The following CLBA1 variants were observed in gnomAD, a reference collection of about 807,000 sequenced individuals.
CLBA1 encodes the protein uncharacterized protein CLBA1.
CLBA1 carries 30 observed loss-of-function variants against 28.8 expected under a neutral mutation model. That is an observed-to-expected ratio of 1.04 (90% CI 0.78 to 1.41). The LOEUF (loss-of-function observed/expected upper bound fraction) is 1.41, where lower values mean the gene tolerates loss of function less well. Among genes scored for constraint, CLBA1 ranks in the 40% most tolerant of loss-of-function variants. CLBA1 has a pLI of 0.00. For missense variants in CLBA1, 451 were observed against 412.3 expected (o/e 1.09, Z -0.81); for synonymous variants, 160 against 152.8 (o/e 1.05, Z -0.35).
At chr14:104,989,616 G>A in intron 2 of CLBA1, 1 of 456,162 alleles carries the variant, frequency 2.2e-6, no homozygotes, top group Non-Finnish European at 4.4e-6. Context: ...GTCACTCGCA[G>A]ATGGCCATTT....
At chr14:104,994,024 T>C in intron 4 of CLBA1, 1 of 984,814 alleles carries the variant, frequency 1.0e-6, no homozygotes, top group East Asian at 1.2e-4. Flanking sequence ...GTGGGTTCCC[T>C]GGATGATCAG....
chr14:104,988,360 T>C (rs1193450801), intron 1 of CLBA1, among the ~76,000 whole-genome samples: 2 of 138,736 alleles, frequency 1.4e-5, no homozygotes. Flanking sequence ...TGAGACGGAG[T>C]CTCTCTCTGT....
chr14:104,994,200 T>TG, intron 4 of CLBA1: 1 of 985,316 alleles, frequency 1.0e-6, no homozygotes, highest in Non-Finnish European at 1.2e-6. Flanking sequence ...CAGCAGCCGG[T>TG]GGGGGAGACG....
chr14:105,000,564 G>C (rs989714814), intron 2 of CLBA1, among the ~76,000 whole-genome samples: 2 of 151,858 alleles, frequency 1.3e-5, no homozygotes. Context: ...GAGCCACCGC[G>C]TCCAGCCAAG....
downstream of CLBA1, among the ~76,000 whole-genome samples, chr14:105,000,282 CTT>C (rs1433657309): frequency 6.7e-6 from 1 of 148,990 alleles, no homozygotes; most frequent in Non-Finnish European, 1.5e-5. Context: ...TTTTTTCTTT[CTT>C]TCTTTCTTTT....
Position 104,986,612 on chromosome 14 carries a change from G to A in CLBA1, c.181G>A (p.Gly61Ser). 1 of 1,614,060 alleles carries A rather than the reference G, an allele frequency of 6.2e-7. No individual in the cohort carries two copies. Residue 61 changes from glycine (G) to serine (S), a missense_variant, in exon 1 of 5, where the codon GGT (glycine) becomes AGT (serine). Physicochemically the swap from Gly to Ser is moderately conservative, Grantham distance 56. Transcript: ENST00000547315. ...KASISMPREGGSTCTARCPDP... is the reference protein window; with the variant it reads ...KASISMPREGSSTCTARCPDP... ...CAGCATCTCCATGCCCCGTGAGGGC[G>A]GTTCCACCTGCACTGCCCGATGTCC... is the stretch of plus-strand genomic sequence containing the variant.
Position 104,986,215 on chromosome 14 carries a change from C to T in CLBA1, c.-217C>T, listed in dbSNP as rs1189107621. On this transcript the variant is annotated 5_prime_UTR_variant, in exon 1 of 5. Transcript: ENST00000547315. ...CTGCGTGGGAGGAAGCCAGGACTCCCGGGCGACCGGGCCATTCCTGTGGTT... is the reference window on the plus strand; with the variant it reads ...CTGCGTGGGAGGAAGCCAGGACTCCTGGGCGACCGGGCCATTCCTGTGGTT... 2 of 595,572 alleles carry T rather than the reference C, an allele frequency of 3.4e-6. No individual in the cohort carries two copies. Among genetic ancestry groups the T allele is most frequent in the Non-Finnish European group, 5.9e-6 (2 of 337,020 alleles). The allele number at this position is 595,572 out of a possible 1,614,324, so 36.9% of individuals were successfully genotyped here.
Position 104,986,324 on chromosome 14 carries a change from CCT to C in CLBA1, c.-104_-103del. On this transcript the variant is annotated 5_prime_UTR_variant, in exon 1 of 5. Coordinates refer to ENST00000547315, the MANE Select transcript of CLBA1 (RefSeq NM_174891.4). ...GGGCACTCCTGCAGCGTCCCCTGGCCCTCTCCAGGGCAGGGGAAGGTTGGGCA... is the reference window on the plus strand; with the variant it reads ...GGGCACTCCTGCAGCGTCCCCTGGCCCTCCAGGGCAGGGGAAGGTTGGGCA... The C allele has an allele frequency of 8.2e-7, 1 of 1,222,526 alleles. No homozygotes were observed. The highest frequency in any genetic ancestry group is 1.1e-6 in the Non-Finnish European group (1 of 891,438). 75.7% of individuals were successfully genotyped at this position (1,222,526 alleles called of 1,614,324 possible). A position where few individuals can be genotyped will look rare whatever the true frequency, so the allele number is the denominator to read the frequency against.
chr14:104,987,154 G>A (rs184888271), intron 1 of CLBA1, among the ~76,000 whole-genome samples: 1 of 152,378 alleles, frequency 6.6e-6, no homozygotes, highest in African/African-American at 2.4e-5. Flanking sequence ...CCCCATTGGT[G>A]GGGGCTGCAC....
rs1479933883 is a variant in CLBA1 at position 104,993,077 on chromosome 14, C to T, written c.816+13C>T. On this transcript the variant is annotated intron_variant, in intron 4 of 4. Transcript: ENST00000547315. ...GATCCAGACCAAGGTGAGTGGTCAC[C>T]AAGGAGAGGCCTCAGGGAACCGCGC... is the stretch of plus-strand genomic sequence containing the variant. 1 of 1,609,732 alleles carries T rather than the reference C, an allele frequency of 6.2e-7. No homozygotes were observed. Among genetic ancestry groups the T allele is most frequent in the Non-Finnish European group, 8.5e-7 (1 of 1,177,484 alleles).
chr14:105,000,269 A>C (rs1055546710), downstream of CLBA1, among the ~76,000 whole-genome samples: 2 of 151,732 alleles, frequency 1.3e-5, no homozygotes, highest in African/African-American at 2.4e-5. Flanking sequence ...ACCTGAACAG[A>C]CATTTTTTCT....
At chr14:104,988,771 TG>T (rs1899937751) in intron 1 of CLBA1, among the ~76,000 whole-genome samples, 171 bp from the exon 2 acceptor site, 1 of 152,254 alleles carries the variant, frequency 6.6e-6, no homozygotes, top group South Asian at 2.1e-4. Context: ...TCTGGTTTTG[TG>T]TGATTTTGCT....
At chr14:104,995,723 C>T (rs955427417), downstream of CLBA1, among the ~76,000 whole-genome samples, 2 of 152,222 alleles carry the variant, frequency 1.3e-5, no homozygotes, top group Non-Finnish European at 2.9e-5. Context: ...GAGGAGGAAG[C>T]AGATGTCCCT....
chr14:104,987,352 C>T (rs886920425), intron 1 of CLBA1, among the ~76,000 whole-genome samples: 6 of 152,206 alleles, frequency 3.9e-5, no homozygotes, highest in Admixed American at 2.0e-4. Flanking sequence ...CCGACCTGTC[C>T]GGGAGCCAGG....
At chr14:104,994,446 G>A in intron 4 of CLBA1, 152 bp from the exon 5 acceptor site, 1 of 1,409,316 alleles carries the variant, frequency 7.1e-7, no homozygotes, top group Non-Finnish European at 9.2e-7. Context: ...CGCCTCTCTG[G>A]TGACATCCCA....
At chr14:104,998,286 C>A (rs1900191404), downstream of CLBA1, among the ~76,000 whole-genome samples, 1 of 151,584 alleles carries the variant, frequency 6.6e-6, no homozygotes, top group Non-Finnish European at 1.5e-5. Flanking sequence ...TGGTGGCGCT[C>A]ACCTGCAGTC....
Position 104,991,373 on chromosome 14 carries a change from T to C in CLBA1, c.570-118T>C, listed in dbSNP as rs1353246741. ...TAACAGCCATACGCCTCTTGGCTTGTGCGCGTCTCGGCTTGCGGGTAAAGG... is the reference window on the plus strand; with the variant it reads ...TAACAGCCATACGCCTCTTGGCTTGCGCGCGTCTCGGCTTGCGGGTAAAGG... On this transcript the variant is annotated intron_variant, in intron 2 of 4. Transcript: ENST00000547315. The C allele has an allele frequency of 4.0e-6, 5 of 1,252,440 alleles. No individual in the cohort carries two copies. In the African/African-American group the frequency reaches 7.5e-5, roughly 19 times the overall value. The allele number at this position is 1,252,440 out of a possible 1,614,324, so 77.6% of individuals were successfully genotyped here.
chr14:104,994,082 C>T (rs534581639), intron 4 of CLBA1: 22 of 985,280 alleles, frequency 2.2e-5, no homozygotes, highest in Non-Finnish European at 2.4e-5. Context: ...GGAGAGGGCC[C>T]TGATCGGCCG....
At chr14:104,992,636 A>G (rs979719081) in intron 3 of CLBA1, among the ~76,000 whole-genome samples, 1 of 152,230 alleles carries the variant, frequency 6.6e-6, no homozygotes, top group African/African-American at 2.4e-5. Context: ...GGAGGCCTGA[A>G]TAGAAGCCTC....
Sources: allele counts gnomAD v4.1 joint callset (sites outside exome capture counted in the v4.1 genomes callset), GRCh38; gene constraint gnomAD v4.1.1; transcripts MANE v1.5; gene names NCBI Gene and HGNC (gene_info 2026-07-23, HGNC 2026-07-21).